The following GOLGB1 variants were observed in gnomAD, a reference collection of about 807,000 sequenced individuals.
GOLGB1 encodes golgin subfamily B member 1.
Under a neutral mutation model 336.9 loss-of-function variants are expected in GOLGB1, and 174 were observed. The observed-to-expected ratio is 0.52, with a 90% confidence interval of 0.46 to 0.59. The LOEUF (loss-of-function observed/expected upper bound fraction) is 0.59. GOLGB1 is among the 20% of genes least tolerant of loss of function. The pLI is 0.00. For synonymous variants in GOLGB1, 1,208 were observed against 1,289.2 expected, an observed-to-expected ratio of 0.94 and a Z score of 1.35; for missense variants, 3,331 against 3,645.3, an observed-to-expected ratio of 0.91 and a Z score of 2.22.
intron 10 of GOLGB1, among the ~76,000 whole-genome samples, chr3:121,708,914 AAAG>A (rs1651322914): frequency 6.6e-6 from 1 of 152,176 alleles, no homozygotes; most frequent in Non-Finnish European, 1.5e-5. Context: ...CTCCAATCAC[AAAG>A]AAGAGAAGAA....
At chr3:121,684,861 AG>A (rs1941553645) in intron 14 of GOLGB1, among the ~76,000 whole-genome samples, 1 of 152,226 alleles carries the variant, frequency 6.6e-6, no homozygotes, top group Non-Finnish European at 1.5e-5. Context: ...CTAATATAGG[AG>A]AAAGGTAAAG....
At chr3:121,748,833 T>A (rs1947554998) in intron 1 of GOLGB1, 3 of 983,716 alleles carry the variant, frequency 3.0e-6, no homozygotes, top group Non-Finnish European at 3.6e-6. Flanking sequence ...CCGCTCCCCA[T>A]AGACCAACTG....
intron 1 of GOLGB1, among the ~76,000 whole-genome samples, chr3:121,738,578 C>A (rs1278704032): frequency 2.0e-5 from 3 of 152,248 alleles, no homozygotes; most frequent in African/African-American, 7.2e-5. Context: ...ATGCGCCAAG[C>A]CAATTACAGA....
intron 1 of GOLGB1, among the ~76,000 whole-genome samples, chr3:121,739,716 T>C (rs1046785172): frequency 7.2e-5 from 11 of 152,206 alleles, no homozygotes; most frequent in Admixed American, 7.2e-4. Flanking sequence ...TCCCCAGCAT[T>C]TATCTTAGAG....
intron 20 of GOLGB1, among the ~76,000 whole-genome samples, chr3:121,665,910 AAG>A (rs1938545430): frequency 6.6e-6 from 1 of 152,216 alleles, no homozygotes; most frequent in African/African-American, 2.4e-5. Context: ...TGAGTCTAGA[AAG>A]AGAACTGAGC....
chr3:121,729,894 G>A lies in GOLGB1; in HGVS notation c.220C>T (p.Gln74Ter). ...AGAGCTTCATCTTTCTGCTGCAGTT[G>A]AACATCCTTCTGTCTAATAATATCT... ...LKDIIRQKDV[Q>*]LQQKDEALQE... The change falls in exon 3 of 22, where the codon CAA becomes TAA. Residue 74 changes from glutamine to a stop codon, truncating the protein, a stop_gained. Coordinates refer to ENST00000614479, the MANE Select transcript of GOLGB1 (RefSeq NM_001366282.2). LOFTEE classifies it high-confidence loss of function. 6.2e-7 allele frequency: 1 copy of A among 1,612,344 alleles called. No homozygotes were observed. Among genetic ancestry groups the A allele is most frequent in the Non-Finnish European group, 8.5e-7 (1 of 1,178,658 alleles).
chr3:121,745,296 G>GTGTATGTATATATACATATGTATACA (rs1947177813), intron 1 of GOLGB1, among the ~76,000 whole-genome samples: 2 of 137,610 alleles, frequency 1.5e-5, no homozygotes, highest in Non-Finnish European at 3.1e-5. Flanking sequence ...ATATGTATAC[G>GTGTATGTATATATACATATGTATACA]TGTATGTATA....
At chr3:121,741,913 G>A (rs1330592448) in intron 1 of GOLGB1, among the ~76,000 whole-genome samples, 1 of 152,060 alleles carries the variant, frequency 6.6e-6, no homozygotes, top group Non-Finnish European at 1.5e-5. Flanking sequence ...AAGTGGAAAT[G>A]TACAAAATGA....
chr3:121,714,007 G>A (rs994016064), intron 10 of GOLGB1, among the ~76,000 whole-genome samples: 2 of 152,140 alleles, frequency 1.3e-5, no homozygotes, highest in African/African-American at 4.8e-5. Flanking sequence ...ACAGATGTTC[G>A]CTACAAAACT....
In GOLGB1 at chr3:121,714,525, C is replaced by CA. The variant is rs375629665; in HGVS notation, c.1404+335dup. ...TAAACCTGATCAAATCTTAGTTTACCAAAAAAAAAAAAGACTTCCGAACTG... is the reference window on the plus strand; with the variant it reads ...TAAACCTGATCAAATCTTAGTTTACCAAAAAAAAAAAAAGACTTCCGAACTG... On this transcript the variant is annotated intron_variant, in intron 10 of 21. Coordinates refer to ENST00000614479, the MANE Select transcript of GOLGB1 (RefSeq NM_001366282.2). Among the ~76,000 whole-genome samples, 382 of 125,680 alleles carry CA rather than the reference C, an allele frequency of 3.0e-3. 1 individual carries two copies. The highest frequency in any genetic ancestry group is 5.6e-3 in the African/African-American group (189 of 33,830). 82.5% of individuals were successfully genotyped at this position (125,680 alleles called of 152,430 possible).
At chr3:121,702,002 T>C (rs760645902) in intron 11 of GOLGB1, among the ~76,000 whole-genome samples, 19 of 152,070 alleles carry the variant, frequency 1.2e-4, no homozygotes, top group Admixed American at 3.9e-4. Context: ...GTAACAATCA[T>C]CCAGACTAAA....
chr3:121,687,602 A>T lies in GOLGB1; in HGVS notation c.8694+3068T>A, dbSNP rs79946000. The stretch of plus-strand genomic sequence containing the variant: ...GTTATGAGCATTTGGGAACAGAATA[A>T]TATGACTCTGAATTACAGAAACACG... On this transcript the variant is annotated intron_variant, in intron 14 of 21. Transcript: ENST00000614479. 6.1e-3 allele frequency among the ~76,000 whole-genome samples: 927 copies of T among 152,332 alleles called. 17 individuals are homozygous for T. The highest frequency in any genetic ancestry group is 0.021 in the African/African-American group (892 of 41,582).
At chr3:121,676,506 C>T (rs1015673823) in intron 17 of GOLGB1, among the ~76,000 whole-genome samples, 1 of 152,178 alleles carries the variant, frequency 6.6e-6, no homozygotes, top group Non-Finnish European at 1.5e-5. Flanking sequence ...CTCAAGAGGG[C>T]AGAACTAGGG....
At chr3:121,683,665 A>G (rs1941362348) in intron 14 of GOLGB1, among the ~76,000 whole-genome samples, 1 of 152,192 alleles carries the variant, frequency 6.6e-6, no homozygotes. Context: ...AACCAACTAG[A>G]GAAGGTAATT....
At chr3:121,712,088 G>T (rs1255042963) in intron 10 of GOLGB1, among the ~76,000 whole-genome samples, 1 of 152,170 alleles carries the variant, frequency 6.6e-6, no homozygotes, top group African/African-American at 2.4e-5. Context: ...CTACAATAAT[G>T]AAGACCGTGA....
At chr3:121,669,380 T>C in intron 17 of GOLGB1, 25 bp from the exon 18 acceptor site, 1 of 1,606,356 alleles carries the variant, frequency 6.2e-7, no homozygotes, top group Non-Finnish European at 8.5e-7. Context: ...AGGATAAGCA[T>C]CATCCTGCAG....
In GOLGB1 at chr3:121,695,950, G is replaced by C; in HGVS notation, c.4573C>G (p.Leu1525Val). ...RGTIERLTKSLADVESQVSAQ... is the reference protein window; with the variant it reads ...RGTIERLTKSVADVESQVSAQ... Reference sequence around the variant, plus strand: ...GAAACTTGGCTTTCCACATCTGCCAGAGACTTGGTGAGACGTTCAATGGTA... The same window carrying C: ...GAAACTTGGCTTTCCACATCTGCCACAGACTTGGTGAGACGTTCAATGGTA... Residue 1525 changes from leucine to valine, a missense_variant, in exon 13 of 22, where the codon CTG becomes GTG. Leu to Val is a conservative substitution (Grantham distance 32). Coordinates refer to ENST00000614479, the MANE Select transcript of GOLGB1 (RefSeq NM_001366282.2). 6.2e-7 allele frequency: 1 copy of C among 1,614,006 alleles called. No homozygotes were observed. Among genetic ancestry groups the C allele is most frequent in the Non-Finnish European group, 8.5e-7 (1 of 1,179,946 alleles).
intron 14 of GOLGB1, among the ~76,000 whole-genome samples, chr3:121,683,674 T>C (rs772708357): frequency 1.3e-5 from 2 of 152,054 alleles, no homozygotes; most frequent in Non-Finnish European, 2.9e-5. Context: ...GAGAAGGTAA[T>C]TTAGAAGAGA....
intron 1 of GOLGB1, among the ~76,000 whole-genome samples, chr3:121,742,624 T>A (rs1186254682): frequency 6.6e-6 from 1 of 152,126 alleles, no homozygotes; most frequent in Non-Finnish European, 1.5e-5. Context: ...AAATGGGATC[T>A]AATTAAACTA....
Sources: allele counts gnomAD v4.1 joint callset (sites outside exome capture counted in the v4.1 genomes callset), GRCh38; gene constraint gnomAD v4.1.1; transcripts MANE v1.5; gene names NCBI Gene and HGNC (gene_info 2026-07-23, HGNC 2026-07-21).